The following OPA1 variants were observed in gnomAD, a reference collection of about 807,000 sequenced individuals.
OPA1 encodes OPA1 mitochondrial dynamin like GTPase, also known as dynamin-like GTPase OPA1, mitochondrial.
A neutral mutation model predicts 152.9 loss-of-function variants in OPA1; 59 were observed. The observed-to-expected ratio is 0.39, with a 90% CI of 0.31 to 0.48. OPA1 has a LOEUF of 0.48. OPA1 is among the 20% of genes least tolerant of loss of function. OPA1 has a pLI of 0.96. For missense variants in OPA1, 1,008 were observed against 1,216.8 expected, an observed-to-expected ratio of 0.83 and a Z score of 2.55; for synonymous variants, 400 against 389.9, an observed-to-expected ratio of 1.03 and a Z score of -0.31.
intron 16 of OPA1, among the ~76,000 whole-genome samples, chr3:193,644,767 C>A (rs1337822249): frequency 2.0e-5 from 3 of 152,082 alleles, no homozygotes; most frequent in Non-Finnish European, 4.4e-5. Flanking sequence ...TTCTTCATTC[C>A]TTTCATTTCT....
chr3:193,593,399 G>A lies in OPA1; in HGVS notation c.22G>A (p.Ala8Thr). ...CGGGATGTGGCGACTACGTCGGGCC[G>A]CTGTGGCCTGGTAAGTGCAGGCTCT... MWRLRRA[A>T]VACEVCQSLV... Residue 8 changes from alanine (A) to threonine (T), a missense_variant, in exon 1 of 31, where the codon GCT (alanine) becomes ACT (threonine). Physicochemically the swap from Ala to Thr is moderately conservative, Grantham distance 58 (BLOSUM62 0). Around this residue, in one of 7 missense-constraint regions of OPA1, gnomAD observed 408 missense variants for 395.1 expected, o/e 1.03. Coordinates refer to ENST00000361510, the MANE Select transcript of OPA1 (RefSeq NM_130837.3). 1 of 1,547,418 alleles carries A rather than the reference G, an allele frequency of 6.5e-7. No individual in the cohort carries two copies. The highest frequency in any genetic ancestry group is 1.2e-5 in the South Asian group (1 of 83,592).
At chr3:193,615,864 T>C in intron 3 of OPA1, 94 bp downstream of exon 3, 1 of 795,478 alleles carries the variant, frequency 1.3e-6, no homozygotes, top group East Asian at 2.4e-5. Flanking sequence ...GAACCTAATA[T>C]ATCACGGTTT....
chr3:193,660,924 G>C (rs1715129626), intron 25 of OPA1, among the ~76,000 whole-genome samples: 2 of 152,204 alleles, frequency 1.3e-5, no homozygotes, highest in African/African-American at 4.8e-5. Context: ...TGATTAGAAA[G>C]AGCTGCTGTA....
intron 29 of OPA1, among the ~76,000 whole-genome samples, chr3:193,690,398 C>G (rs1469845284): frequency 6.9e-6 from 1 of 145,890 alleles, no homozygotes; most frequent in South Asian, 2.2e-4. Context: ...TAGTGGCACT[C>G]ACCTGTAGTC....
rs749983079 is a variant in OPA1 at position 193,642,828 on chromosome 3, C to G, written c.1213C>G (p.Leu405Val). Residue 405 changes from leucine (L) to valine (V), a missense_variant, in exon 12 of 31, where the codon CTT (leucine) becomes GTT (valine). Physicochemically the swap from Leu to Val is conservative, Grantham distance 32. This residue lies in a region of OPA1 where 213 missense variants were observed against 291.4 expected (regional missense o/e 0.73). Coordinates refer to ENST00000361510, the MANE Select transcript of OPA1 (RefSeq NM_130837.3). ...TAAAGATAGTTCTCGGGAGTTTGAT[C>G]TTACCAAAGAAGAAGATGTAAGTAA... ...LFKDSSREFD[L>V]TKEEDLAALR... The G allele has an allele frequency of 6.2e-7, 1 of 1,613,074 alleles. No individual in the cohort carries two copies. Among genetic ancestry groups the G allele is most frequent in the Non-Finnish European group, 8.5e-7 (1 of 1,179,128 alleles).
chr3:193,631,475 G>T (rs1732058454), intron 7 of OPA1, 137 bp from the exon 8 acceptor site: 4 of 600,126 alleles, frequency 6.7e-6, no homozygotes, highest in African/African-American at 3.8e-5. Context: ...TAAATCACTT[G>T]ATTTAAAATT....
chr3:193,680,825 G>C (rs1414201010), intron 29 of OPA1, among the ~76,000 whole-genome samples: 1 of 152,078 alleles, frequency 6.6e-6, no homozygotes, highest in African/African-American at 2.4e-5. Flanking sequence ...GGAGTAAAAT[G>C]AATGTATTCA....
At chr3:193,616,096 G>A (rs1186504591) in intron 3 of OPA1, among the ~76,000 whole-genome samples, 1 of 152,160 alleles carries the variant, frequency 6.6e-6, no homozygotes, top group Non-Finnish European at 1.5e-5. Context: ...ACTCACTGCA[G>A]CCCTGAACTG....
intron 9 of OPA1, among the ~76,000 whole-genome samples, chr3:193,636,770 G>C (rs1733012481): frequency 6.6e-6 from 1 of 152,084 alleles, no homozygotes; most frequent in Admixed American, 6.6e-5. Flanking sequence ...GCTTGCACGT[G>C]CTCTCTGTCC....
chr3:193,631,621 A>C lies in OPA1; in HGVS notation c.799A>C (p.Lys267Gln), dbSNP rs1560353746. 1 of 1,610,692 alleles carries C rather than the reference A, an allele frequency of 6.2e-7. No individual in the cohort carries two copies. The highest frequency in any genetic ancestry group is 1.1e-5 in the South Asian group (1 of 90,916). The change falls in exon 8 of 31, where the codon AAA becomes CAA. Residue 267 changes from lysine (K) to glutamine (Q), a missense_variant. By Grantham distance (53) the Lys-to-Gln change is moderately conservative (BLOSUM62 1). Coordinates refer to ENST00000361510, the MANE Select transcript of OPA1 (RefSeq NM_130837.3). ...TATTTTAAACATTTAGGTGTCAGAC[A>C]AAGAGAAAATTGACCAACTTCAGGA... ...YAQQKRKVSD[K>Q]EKIDQLQEEL...
intron 2 of OPA1, 78 bp downstream of exon 2, chr3:193,615,119 G>C (rs113990764): frequency 1.8e-6 from 2 of 1,129,764 alleles, no homozygotes; most frequent in Non-Finnish European, 2.7e-6. Flanking sequence ...TTTTTGTGTA[G>C]TGGAATACAA....
chr3:193,602,873 A>G (rs551197741), intron 1 of OPA1, among the ~76,000 whole-genome samples: 1 of 152,346 alleles, frequency 6.6e-6, no homozygotes, highest in Non-Finnish European at 1.5e-5. Flanking sequence ...TTTCTTAGCT[A>G]TGGTCACAGC....
chr3:193,631,819 GAAAT>G (rs1732126472), intron 8 of OPA1, 154 bp downstream of exon 8: 2 of 676,304 alleles, frequency 3.0e-6, no homozygotes, highest in East Asian at 2.6e-5. Flanking sequence ...AGCTAATTGA[GAAAT>G]AAGGAATAAA....
At chr3:193,669,319 T>C (rs1717402471) in intron 29 of OPA1, among the ~76,000 whole-genome samples, 1 of 152,244 alleles carries the variant, frequency 6.6e-6, no homozygotes, top group Non-Finnish European at 1.5e-5. Flanking sequence ...TATTCTTCTT[T>C]CGAGACATAT....
chr3:193,641,865 A>G (rs950773300), intron 11 of OPA1, among the ~76,000 whole-genome samples: 5 of 152,254 alleles, frequency 3.3e-5, no homozygotes, highest in Admixed American at 6.5e-5. Context: ...CTGTAATCCC[A>G]GCACTTTGGG....
chr3:193,655,306 T>C (rs1462826709), intron 22 of OPA1, among the ~76,000 whole-genome samples: 1 of 151,012 alleles, frequency 6.6e-6, no homozygotes, highest in Non-Finnish European at 1.5e-5. Flanking sequence ...GAATATGAAA[T>C]ATTTGCTTGA....
At position 193,670,861 on chromosome 3, in the gene OPA1, T is replaced by A. The variant is rs78392552; in HGVS notation, c.2983+3581T>A. Among the ~76,000 whole-genome samples, 1,121 of 152,228 alleles carry A rather than the reference T, an allele frequency of 7.4e-3. 10 individuals carry two copies. The highest frequency in any genetic ancestry group is 0.022 in the African/African-American group (908 of 41,524). On this transcript the variant is annotated intron_variant, in intron 29 of 30. Coordinates refer to ENST00000361510, the MANE Select transcript of OPA1 (RefSeq NM_130837.3). ...AGGATTCTTTGGAGATATGGTAGAT[T>A]CCATAGCTGGAGCAGGGAAAGGACA...
chr3:193,615,472 T>C (rs1037968450), intron 2 of OPA1, among the ~76,000 whole-genome samples: 1 of 152,250 alleles, frequency 6.6e-6, no homozygotes, highest in Non-Finnish European at 1.5e-5. Flanking sequence ...ATATTCTGAA[T>C]TTTTACATTT....
rs568049951 is a variant in OPA1 at position 193,593,367 on chromosome 3, C to G, written c.-11C>G. On this transcript the variant is annotated 5_prime_UTR_variant, in exon 1 of 31. Coordinates refer to ENST00000361510, the MANE Select transcript of OPA1 (RefSeq NM_130837.3). ...CCGTCTCGGCGCCTGCGTGACCTCC[C>G]CGCCGGCGGGATGTGGCGACTACGT... 3 of 1,546,144 alleles carry G rather than the reference C, an allele frequency of 1.9e-6. No individual in the cohort carries two copies. Among genetic ancestry groups the G allele is most frequent in the Non-Finnish European group, 2.6e-6 (3 of 1,144,578 alleles).
Sources: allele counts gnomAD v4.1 joint callset (sites outside exome capture counted in the v4.1 genomes callset), GRCh38; gene constraint gnomAD v4.1.1; regional missense constraint gnomAD v4.1.1; transcripts MANE v1.5; gene names NCBI Gene and HGNC (gene_info 2026-07-23, HGNC 2026-07-21).